The following CCDC171 variants were observed in gnomAD, a reference collection of about 807,000 sequenced individuals.
CCDC171 encodes the protein coiled-coil domain-containing protein 171.
CCDC171 carries 177 observed loss-of-function variants against 168.2 expected under a neutral mutation model. The observed-to-expected ratio is 1.05, with a 90% CI of 0.93 to 1.19. The LOEUF (loss-of-function observed/expected upper bound fraction) is 1.19. CCDC171 is among the 50% of genes most tolerant of loss of function. The pLI, the probability that CCDC171 is intolerant of heterozygous loss-of-function variation, is 0.00. For missense variants in CCDC171, 1,991 were observed against 1,539.0 expected, an observed-to-expected ratio of 1.29 and a Z score of -4.91; for synonymous variants, 687 against 540.8, an observed-to-expected ratio of 1.27 and a Z score of -3.75.
chr9:15,656,479 A>T (rs1314091091), intron 7 of CCDC171, among the ~76,000 whole-genome samples: 1 of 152,264 alleles, frequency 6.6e-6, no homozygotes, highest in African/African-American at 2.4e-5. Flanking sequence ...ACTGGAAACA[A>T]GTCAAATGTC....
chr9:15,871,218 T>C (rs2062024899), intron 23 of CCDC171, among the ~76,000 whole-genome samples: 1 of 151,722 alleles, frequency 6.6e-6, no homozygotes, highest in Admixed American at 6.6e-5. Context: ...CAGATTTATA[T>C]TGGGAAATTC....
intron 3 of CCDC171, among the ~76,000 whole-genome samples, chr9:15,988,573 G>A (rs1184980278): frequency 6.6e-6 from 1 of 152,158 alleles, no homozygotes; most frequent in African/African-American, 2.4e-5. Flanking sequence ...GTCAGACAGT[G>A]GGGGTAGGAC....
At chr9:15,750,624 A>G (rs1251914236) in intron 18 of CCDC171, among the ~76,000 whole-genome samples, 1 of 152,236 alleles carries the variant, frequency 6.6e-6, no homozygotes, top group Non-Finnish European at 1.5e-5. Flanking sequence ...CTGGTTCAAC[A>G]TGTGCAAATT....
chr9:15,631,133 C>A (rs1050859972), intron 7 of CCDC171, among the ~76,000 whole-genome samples: 1 of 152,026 alleles, frequency 6.6e-6, no homozygotes, highest in Non-Finnish European at 1.5e-5. Flanking sequence ...AGAGCAAACA[C>A]ATTCAAAAGC....
intron 9 of CCDC171, among the ~76,000 whole-genome samples, chr9:15,667,813 G>C (rs954289361): frequency 1.3e-5 from 2 of 152,098 alleles, no homozygotes; most frequent in Admixed American, 1.3e-4. Context: ...AATTAATAAT[G>C]CTTATAATAT....
chr9:15,769,103 T>A (rs2056880509), intron 18 of CCDC171, among the ~76,000 whole-genome samples: 2 of 152,208 alleles, frequency 1.3e-5, no homozygotes, highest in South Asian at 4.1e-4. Flanking sequence ...GCACTAAACT[T>A]TAAAAGGAAT....
At chr9:15,611,125 C>T (rs2043653781) in intron 6 of CCDC171, among the ~76,000 whole-genome samples, 3 of 152,118 alleles carry the variant, frequency 2.0e-5, no homozygotes. Flanking sequence ...CGCCTCCTTC[C>T]TCCTGCTCCT....
At chr9:15,958,360 T>A (rs887029582) in intron 25 of CCDC171, among the ~76,000 whole-genome samples, 1 of 152,036 alleles carries the variant, frequency 6.6e-6, no homozygotes, top group Non-Finnish European at 1.5e-5. Flanking sequence ...TGAACTTTAA[T>A]CTTTAATTTA....
Position 16,013,525 on chromosome 9 carries a change from G to A in CCDC171, n.369-7064G>A, listed in dbSNP as rs544283569. Among the ~76,000 whole-genome samples the A allele has an allele frequency of 2.4e-3, 367 of 152,302 alleles. 2 individuals are homozygous for A. The highest frequency in any genetic ancestry group is 8.3e-3 in the African/African-American group (344 of 41,556). On this transcript the variant is annotated intron_variant and non_coding_transcript_variant, in intron 3 of 9. Transcript: ENST00000486641. ...TGGGAGGCAGGAGCATGTAGCATGC[G>A]CTCTTGGGACATACAGGCACAGCCA...
chr9:15,784,734 A>G, intron 21 of CCDC171, 40 bp downstream of exon 21: 1 of 1,455,556 alleles, frequency 6.9e-7, no homozygotes, highest in Non-Finnish European at 9.5e-7. Context: ...GGGATATTTT[A>G]TCTATGTGTG....
intron 1 of CCDC171, 53 bp downstream of exon 1, chr9:15,553,355 G>C (rs1397289657): frequency 2.0e-5 from 3 of 152,480 alleles, no homozygotes; most frequent in Admixed American, 6.6e-5. Context: ...GGGAGGTGTT[G>C]AGAGGGTTGT....
At chr9:15,924,421 A>T (rs1213271246) in intron 25 of CCDC171, among the ~76,000 whole-genome samples, 1 of 143,182 alleles carries the variant, frequency 7.0e-6, no homozygotes, top group Non-Finnish European at 1.5e-5. Flanking sequence ...AGTACTTAGG[A>T]CCTTGCCTCA....
intron 20 of CCDC171, among the ~76,000 whole-genome samples, chr9:15,781,658 C>A (rs1158673336): frequency 6.6e-6 from 1 of 152,122 alleles, no homozygotes; most frequent in Non-Finnish European, 1.5e-5. Flanking sequence ...GGTTATCTGC[C>A]TACCTCAGCC....
intron 6 of CCDC171, among the ~76,000 whole-genome samples, chr9:16,034,061 A>G (rs1469555025): frequency 1.3e-5 from 2 of 152,180 alleles, no homozygotes; most frequent in East Asian, 3.9e-4. Context: ...TGCTTATCTC[A>G]TATCTTACAT....
At chr9:15,877,382 G>A (rs943577661) in intron 24 of CCDC171, among the ~76,000 whole-genome samples, 22 of 152,008 alleles carry the variant, frequency 1.4e-4, no homozygotes, top group Non-Finnish European at 2.2e-4. Context: ...TTTTCATTAC[G>A]TTTAAGGTGT....
At chr9:16,034,459 C>G (rs1310116982) in intron 6 of CCDC171, among the ~76,000 whole-genome samples, 1 of 152,096 alleles carries the variant, frequency 6.6e-6, no homozygotes, top group Non-Finnish European at 1.5e-5. Flanking sequence ...GAAGGGAGAT[C>G]TCACACATTT....
intron 7 of CCDC171, among the ~76,000 whole-genome samples, chr9:15,651,766 T>A (rs113759697): frequency 6.6e-6 from 1 of 152,212 alleles, no homozygotes; most frequent in Non-Finnish European, 1.5e-5. Context: ...GACACCTAGG[T>A]TGATTACATA....
intron 21 of CCDC171, 46 bp downstream of exon 21, chr9:15,784,740 G>A: frequency 7.1e-7 from 1 of 1,408,274 alleles, no homozygotes; most frequent in Non-Finnish European, 9.9e-7. Context: ...TTTTATCTAT[G>A]TGTGGATCTT....
chr9:15,620,020 C>A, intron 6 of CCDC171, among the ~76,000 whole-genome samples: 1 of 152,250 alleles, frequency 6.6e-6, no homozygotes, highest in East Asian at 1.9e-4. Context: ...ACGGTACCTG[C>A]TGCTCAGAAA....
Sources: gnomAD v4.1 joint callset for allele counts (sites outside exome capture counted in the v4.1 genomes callset) on GRCh38, gnomAD v4.1.1 for gene constraint, MANE v1.5 for transcripts, NCBI Gene and HGNC (gene_info 2026-07-23, HGNC 2026-07-21) for gene names.